The following AFAP1L1 variants were observed in gnomAD, a reference collection of about 807,000 sequenced individuals.
AFAP1L1 encodes the protein actin filament associated protein 1 like 1.
AFAP1L1 carries 77 observed loss-of-function variants against 99.8 expected under a neutral mutation model. That is an observed-to-expected ratio of 0.77 (90% confidence interval 0.64 to 0.93). The LOEUF is 0.93. Ranked by LOEUF, AFAP1L1 falls within the 40% of genes least tolerant of loss-of-function variation. AFAP1L1 has a pLI of 0.00. For missense variants in AFAP1L1, 893 were observed against 996.8 expected, an observed-to-expected ratio of 0.90 and a Z score of 1.40; for synonymous variants, 373 against 395.3, an observed-to-expected ratio of 0.94 and a Z score of 0.67.
chr5:149,313,239 T>C (rs375749948), intron 9 of AFAP1L1, among the ~76,000 whole-genome samples: 1 of 151,932 alleles, frequency 6.6e-6, no homozygotes, highest in East Asian at 1.9e-4. Flanking sequence ...CATTGCCAGG[T>C]ATTGTGGGTA....
intron 16 of AFAP1L1, among the ~76,000 whole-genome samples, chr5:149,330,933 T>G (rs1757238238): frequency 6.6e-6 from 1 of 152,172 alleles, no homozygotes; most frequent in African/African-American, 2.4e-5. Context: ...AAAAAAATTT[T>G]TTTTTAATTT....
At chr5:149,316,442 C>T in intron 11 of AFAP1L1, 139 bp downstream of exon 11, 1 of 1,041,302 alleles carries the variant, frequency 9.6e-7, no homozygotes, top group Non-Finnish European at 1.4e-6. Context: ...GGAGGCTAAG[C>T]CCCACTCCAT....
intron 1 of AFAP1L1, among the ~76,000 whole-genome samples, chr5:149,293,115 A>G (rs914333733): frequency 2.0e-5 from 3 of 152,140 alleles, no homozygotes; most frequent in Non-Finnish European, 4.4e-5. Context: ...CTTTGTGCCT[A>G]CCACTTCCCC....
At chr5:149,309,533 A>T (rs2127596674) in intron 7 of AFAP1L1, among the ~76,000 whole-genome samples, 1 of 152,322 alleles carries the variant, frequency 6.6e-6, no homozygotes, top group Non-Finnish European at 1.5e-5. Flanking sequence ...GCTCATTAAA[A>T]AAATGGGGAA....
intron 16 of AFAP1L1, among the ~76,000 whole-genome samples, chr5:149,330,639 A>C (rs1301161245): frequency 6.6e-6 from 1 of 152,220 alleles, no homozygotes; most frequent in Non-Finnish European, 1.5e-5. Context: ...AAGAACCAGA[A>C]TCAATAGGAG....
In AFAP1L1 at chr5:149,299,637, G is replaced by A. The variant is rs1324225389; in HGVS notation, c.145G>A (p.Ala49Thr). The change falls in exon 2 of 19, where the codon GCA becomes ACA. Residue 49 changes from alanine (A) to threonine (T), a missense_variant and splice_region_variant. Ala to Thr is a moderately conservative substitution (Grantham distance 58, BLOSUM62 0). Transcript: ENST00000296721. Reference sequence around the variant, plus strand: ...CCTGCAGAGCCTGCAGCCCCTTCCAGGTTAGCCGCCAGCAGCCTGCCTGGA... The same window carrying A: ...CCTGCAGAGCCTGCAGCCCCTTCCAAGTTAGCCGCCAGCAGCCTGCCTGGA... Reference protein sequence around the residue: ...SILQSLQPLPAKEVSYLYVNT... With the variant: ...SILQSLQPLPTKEVSYLYVNT... The A allele has an allele frequency of 1.2e-6, 2 of 1,614,100 alleles. No individual in the cohort carries two copies. Among genetic ancestry groups the A allele is most frequent in the South Asian group, 1.1e-5 (1 of 91,086 alleles).
At chr5:149,300,615 C>G (rs2127594064) in intron 3 of AFAP1L1, among the ~76,000 whole-genome samples, 1 of 152,364 alleles carries the variant, frequency 6.6e-6, no homozygotes, top group South Asian at 2.1e-4. Context: ...AGGGTGTTTC[C>G]TCACCGGCCA....
rs371043728 is a variant in AFAP1L1, at chr5:149,315,897, G to A, written c.1097G>A (p.Arg366Gln). 27 of 1,614,022 alleles carry A rather than the reference G, an allele frequency of 1.7e-5. No homozygotes were observed. The highest frequency in any genetic ancestry group is 5.0e-5 in the Admixed American group (3 of 60,010). Residue 366 changes from arginine (R) to glutamine (Q), a missense_variant, in exon 10 of 19, where the codon CGG becomes CAG. By Grantham distance (43) the Arg-to-Gln change is conservative. Transcript: ENST00000296721. The part of the protein sequence containing the change: ...VGDNCSTLGR[R>Q]ETCDHGKGKK... Reference sequence around the variant, plus strand: ...GACAACTGTTCTACCCTTGGCCGCCGGGAGACCTGTGATCACGGTAGGAGC... The same window carrying A: ...GACAACTGTTCTACCCTTGGCCGCCAGGAGACCTGTGATCACGGTAGGAGC...
chr5:149,299,397 G>A (rs1581308449), intron 1 of AFAP1L1, 112 bp from the exon 2 acceptor site: 17 of 1,438,250 alleles, frequency 1.2e-5, no homozygotes, highest in Middle Eastern at 2.5e-4. Flanking sequence ...TTGCACACCC[G>A]GACCTGCCCT....
chr5:149,314,997 A>C (rs1349980064), intron 9 of AFAP1L1, among the ~76,000 whole-genome samples: 2 of 152,180 alleles, frequency 1.3e-5, no homozygotes, highest in Non-Finnish European at 2.9e-5. Context: ...AGTGGGTGGA[A>C]TTCAAGTGAA....
At chr5:149,311,400 G>C (rs532505941) in intron 8 of AFAP1L1, among the ~76,000 whole-genome samples, 1 of 152,178 alleles carries the variant, frequency 6.6e-6, no homozygotes, top group Non-Finnish European at 1.5e-5. Context: ...GGTTAACAGT[G>C]GGCAGCTGAA....
chr5:149,302,349 C>T, intron 4 of AFAP1L1, 69 bp from the exon 5 acceptor site: 2 of 1,161,734 alleles, frequency 1.7e-6, no homozygotes, highest in Non-Finnish European at 1.2e-6. Flanking sequence ...GCTCCTGCCT[C>T]CCTCTCCCTC....
intron 1 of AFAP1L1, among the ~76,000 whole-genome samples, chr5:149,283,152 A>G (rs1444277217): frequency 6.6e-6 from 1 of 152,216 alleles, no homozygotes; most frequent in East Asian, 1.9e-4. Flanking sequence ...TGGCTTGCCT[A>G]CAGTCACCTG....
Position 149,329,702 on chromosome 5 carries a change from A to C in AFAP1L1, c.1847A>C (p.Glu616Ala). ...TACAAGTATGGCAAGAACCGAGCCGAGGAGGATGCCCGGAGGTACTTGGTA... is the reference window on the plus strand; with the variant it reads ...TACAAGTATGGCAAGAACCGAGCCGCGGAGGATGCCCGGAGGTACTTGGTA... ...NQYKYGKNRA[E>A]EDARRYLVEK... The change falls in exon 16 of 19, where the codon GAG becomes GCG. Residue 616 changes from glutamate (E) to alanine (A), a missense_variant. Coordinates refer to ENST00000296721, the MANE Select transcript of AFAP1L1 (RefSeq NM_152406.4). The C allele has an allele frequency of 1.9e-6, 3 of 1,614,138 alleles. No individual in the cohort carries two copies. Among genetic ancestry groups the C allele is most frequent in the South Asian group, 2.2e-5 (2 of 91,068 alleles).
chr5:149,312,030 C>T, intron 8 of AFAP1L1, 82 bp from the exon 9 acceptor site: 2 of 1,296,230 alleles, frequency 1.5e-6, no homozygotes, highest in Non-Finnish European at 2.2e-6. Context: ...TGTTCTACAG[C>T]ATTCACCACA....
chr5:149,330,017 A>G (rs1364318156), intron 16 of AFAP1L1, among the ~76,000 whole-genome samples, 187 bp downstream of exon 16: 1 of 152,110 alleles, frequency 6.6e-6, no homozygotes, highest in Non-Finnish European at 1.5e-5. Context: ...ATTCCTCCCA[A>G]TTAAAGAAAG....
In AFAP1L1 at chr5:149,342,925, C is replaced by A. The variant is rs900516219; in HGVS notation, c.*2895C>A. Among the ~76,000 whole-genome samples the A allele has an allele frequency of 2.0e-5, 3 of 151,930 alleles. No individual in the cohort carries two copies. The highest frequency in any genetic ancestry group is 7.3e-5 in the African/African-American group (3 of 41,358). ...ACTCCATCTCAAAAAAAAAAAAATG[C>A]CTTATTTGGTTGTGTTTTTTCAAAG... On this transcript the variant is annotated 3_prime_UTR_variant, in exon 19 of 19. Transcript: ENST00000296721.
At chr5:149,339,930 G>A in intron 18 of AFAP1L1, 77 bp from the exon 19 acceptor site, 1 of 1,533,478 alleles carries the variant, frequency 6.5e-7, no homozygotes, top group South Asian at 1.1e-5. Flanking sequence ...CATCTAACTA[G>A]GTGCCGTGAA....
intron 15 of AFAP1L1, among the ~76,000 whole-genome samples, chr5:149,325,642 T>C (rs1757074902): frequency 6.6e-6 from 1 of 152,164 alleles, no homozygotes; most frequent in Non-Finnish European, 1.5e-5. Context: ...GGAATGTCAC[T>C]CCAAGAGAAA....
Sources: gnomAD v4.1 joint callset for allele counts (sites outside exome capture counted in the v4.1 genomes callset) on GRCh38, gnomAD v4.1.1 for gene constraint, MANE v1.5 for transcripts, NCBI Gene and HGNC (gene_info 2026-07-23, HGNC 2026-07-21) for gene names.